The following PRKCE variants were observed in gnomAD, a reference collection of about 807,000 sequenced individuals.
The protein encoded by PRKCE is protein kinase C epsilon type.
In PRKCE, 16 loss-of-function variants were observed where a neutral mutation model predicts 85.4. That is an observed-to-expected ratio of 0.19 (90% CI 0.13 to 0.28). The LOEUF (loss-of-function observed/expected upper bound fraction) is 0.28, where lower values mean the gene tolerates loss of function less well. Ranked by LOEUF, PRKCE falls within the 10% of genes least tolerant of loss-of-function variation. The pLI is 1.00. For synonymous variants in PRKCE, 388 were observed against 371.5 expected, an observed-to-expected ratio of 1.04 and a Z score of -0.51; for missense variants, 573 against 975.2, an observed-to-expected ratio of 0.59 and a Z score of 5.49.
At chr2:45,807,315 T>A (rs1489333149) in intron 1 of PRKCE, among the ~76,000 whole-genome samples, 1 of 152,188 alleles carries the variant, frequency 6.6e-6, no homozygotes, top group Non-Finnish European at 1.5e-5. Context: ...TTCTCACACT[T>A]GGCATTTTTA....
chr2:45,664,828 C>T (rs1675837147), intron 1 of PRKCE, among the ~76,000 whole-genome samples: 1 of 152,166 alleles, frequency 6.6e-6, no homozygotes, highest in South Asian at 2.1e-4. Flanking sequence ...CTTTTTTTCA[C>T]ATCCCATTTT....
At chr2:46,178,224 C>T (rs541300894) in intron 14 of PRKCE, among the ~76,000 whole-genome samples, 1 of 152,332 alleles carries the variant, frequency 6.6e-6, no homozygotes, top group African/African-American at 2.4e-5. Context: ...TGTGCTATTG[C>T]ACTCCAGCCT....
intron 2 of PRKCE, among the ~76,000 whole-genome samples, chr2:45,930,632 C>T (rs1698974482): frequency 6.6e-6 from 1 of 152,202 alleles, no homozygotes; most frequent in Non-Finnish European, 1.5e-5. Context: ...AACTCTGCTG[C>T]CTCATGACTG....
intron 2 of PRKCE, among the ~76,000 whole-genome samples, chr2:45,934,898 A>AAT (rs900364920): frequency 6.6e-6 from 1 of 150,762 alleles, no homozygotes; most frequent in East Asian, 2.0e-4. Context: ...ACAAAAAAAA[A>AAT]AAAAAAATTT....
chr2:45,873,360 A>G (rs570077764), intron 2 of PRKCE, among the ~76,000 whole-genome samples: 18 of 152,220 alleles, frequency 1.2e-4, no homozygotes, highest in African/African-American at 4.3e-4. Context: ...CAGAGAATGG[A>G]AAAGTCTGGG....
intron 11 of PRKCE, among the ~76,000 whole-genome samples, chr2:46,141,771 GGGAC>G: frequency 6.6e-6 from 1 of 151,904 alleles, no homozygotes; most frequent in South Asian, 2.1e-4. Flanking sequence ...CAAGTACACA[GGGAC>G]TAATATCTGG....
At chr2:45,676,881 A>G (rs1439255554) in intron 1 of PRKCE, 3 of 152,236 alleles carry the variant, frequency 2.0e-5, no homozygotes, top group African/African-American at 7.2e-5. Context: ...AACCAGGAAC[A>G]TGCCTAGATA....
At chr2:46,112,051 C>T (rs1574498422) in intron 11 of PRKCE, among the ~76,000 whole-genome samples, 1 of 152,160 alleles carries the variant, frequency 6.6e-6, no homozygotes, top group Non-Finnish European at 1.5e-5. Context: ...CATTTCTTGC[C>T]TCTGTCAGTT....
chr2:45,661,528 T>G (rs906470899), intron 1 of PRKCE, among the ~76,000 whole-genome samples: 1 of 127,488 alleles, frequency 7.8e-6, no homozygotes. Context: ...TTTTTGTTTT[T>G]TGTTTTTTTT....
At chr2:45,725,334 G>A (rs980058609) in intron 1 of PRKCE, among the ~76,000 whole-genome samples, 2 of 152,204 alleles carry the variant, frequency 1.3e-5, no homozygotes, top group Non-Finnish European at 2.9e-5. Context: ...TCAACCAGGA[G>A]TTCTGATGGA....
At chr2:45,751,506 T>TG (rs34081651) in intron 1 of PRKCE, among the ~76,000 whole-genome samples, 86,123 of 151,734 alleles carry the variant, frequency 0.57, 24,776 homozygotes, top group African/African-American at 0.64. Flanking sequence ...ATTGTTTATT[T>TG]GGTTTCTCAA....
chr2:45,763,168 A>G (rs1684652398), intron 1 of PRKCE, among the ~76,000 whole-genome samples: 1 of 151,856 alleles, frequency 6.6e-6, no homozygotes, highest in African/African-American at 2.4e-5. Flanking sequence ...GTTAGCCAGG[A>G]TGGTCTTGGT....
chr2:45,843,611 C>G (rs1345084161), intron 2 of PRKCE, among the ~76,000 whole-genome samples: 1 of 152,154 alleles, frequency 6.6e-6, no homozygotes, highest in Non-Finnish European at 1.5e-5. Flanking sequence ...CCTCTTACAC[C>G]CTCTTCTTTC....
At chr2:45,862,163 G>T (rs1224293015) in intron 2 of PRKCE, among the ~76,000 whole-genome samples, 1 of 150,146 alleles carries the variant, frequency 6.7e-6, no homozygotes, top group Non-Finnish European at 1.5e-5. Context: ...CGCCACCCTA[G>T]TGTAACCTTT....
intron 2 of PRKCE, among the ~76,000 whole-genome samples, chr2:45,850,244 G>T (rs1446765832): frequency 6.6e-6 from 1 of 152,172 alleles, no homozygotes; most frequent in Non-Finnish European, 1.5e-5. Flanking sequence ...TTTGACTGGT[G>T]TGCCTGTCTT....
chr2:45,787,342 G>GAGAGAC (rs1319159089), intron 1 of PRKCE, among the ~76,000 whole-genome samples: 1 of 151,736 alleles, frequency 6.6e-6, no homozygotes, highest in African/African-American at 2.4e-5. Flanking sequence ...GAGGGAGAGG[G>GAGAGAC]AGAGACAGAG....
In PRKCE at chr2:45,892,899, C is replaced by G. The variant is rs552938732; in HGVS notation, c.412+49836C>G. Among the ~76,000 whole-genome samples the G allele has an allele frequency of 2.0e-5, 3 of 152,258 alleles. No individual in the cohort carries two copies. In the East Asian group the frequency reaches 5.8e-4, roughly 29 times the overall value. On this transcript the variant is annotated intron_variant, in intron 2 of 14. Transcript: ENST00000306156. ...ATGTGCAGCAGTCAGTAATGTACCC[C>G]CCGGGGTTGCTGTTGATTGATGACT...
At position 45,917,400 on chromosome 2, in the gene PRKCE, T is replaced by G. The variant is rs145944041; in HGVS notation, c.413-59029T>G. ...GTATTTACAATCCCTGAGCTAGACATTAAGGTTCTGCAAGGCCCCACCAGA... is the reference window on the plus strand; with the variant it reads ...GTATTTACAATCCCTGAGCTAGACAGTAAGGTTCTGCAAGGCCCCACCAGA... On this transcript the variant is annotated intron_variant, in intron 2 of 14. Coordinates refer to ENST00000306156, the MANE Select transcript of PRKCE (RefSeq NM_005400.3). 4.9e-3 allele frequency among the ~76,000 whole-genome samples: 733 copies of G among 149,668 alleles called. 8 individuals carry two copies. The highest frequency in any genetic ancestry group is 0.017 in the African/African-American group (673 of 40,492).
intron 2 of PRKCE, among the ~76,000 whole-genome samples, chr2:45,888,700 C>T (rs1558798028): frequency 6.6e-6 from 1 of 152,160 alleles, no homozygotes. Flanking sequence ...GATCCACCCG[C>T]TTTGGCCTCC....
Sources: allele counts gnomAD v4.1 joint callset (sites outside exome capture counted in the v4.1 genomes callset), GRCh38; gene constraint gnomAD v4.1.1; transcripts MANE v1.5; gene names NCBI Gene and HGNC (gene_info 2026-07-23, HGNC 2026-07-21).